ROBO1: variants seen among roughly 807,000 people sequenced by gnomAD.
ROBO1 encodes the protein roundabout guidance receptor 1.
ROBO1 carries 149 observed loss-of-function variants against 195.9 expected under a neutral mutation model. The observed-to-expected ratio is 0.76, with a 90% CI of 0.67 to 0.87. The LOEUF (loss-of-function observed/expected upper bound fraction) is 0.87. Among genes scored for constraint, ROBO1 ranks in the 40% least tolerant of loss-of-function variants. ROBO1 has a pLI of 0.00. For synonymous variants in ROBO1, 816 were observed against 733.2 expected, an observed-to-expected ratio of 1.11 and a Z score of -1.82; for missense variants, 1,933 against 2,068.3, an observed-to-expected ratio of 0.93 and a Z score of 1.27.
chr3:78,864,440 G>C (rs2035038335), intron 4 of ROBO1, among the ~76,000 whole-genome samples: 1 of 151,984 alleles, frequency 6.6e-6, no homozygotes, highest in Non-Finnish European at 1.5e-5. Flanking sequence ...TAATTTATAA[G>C]ATGGCATACA....
intron 1 of ROBO1, among the ~76,000 whole-genome samples, chr3:79,731,882 G>C (rs1055477272): frequency 3.9e-4 from 60 of 151,992 alleles, no homozygotes; most frequent in Non-Finnish European, 3.1e-4. Context: ...TTTTATCATA[G>C]GAAATTTCTA....
At chr3:79,570,330 C>T (rs1021459191) in intron 2 of ROBO1, among the ~76,000 whole-genome samples, 3 of 151,450 alleles carry the variant, frequency 2.0e-5, no homozygotes, top group Non-Finnish European at 4.4e-5. Context: ...ATTTTTACGT[C>T]CCTGCTTAGG....
At chr3:79,607,808 C>CA (rs1944536777) in intron 1 of ROBO1, among the ~76,000 whole-genome samples, 1 of 151,942 alleles carries the variant, frequency 6.6e-6, no homozygotes, top group Non-Finnish European at 1.5e-5. Flanking sequence ...AATGCATACT[C>CA]ACGTGCGTGG....
chr3:78,776,586 T>A (rs1017857537), intron 4 of ROBO1, among the ~76,000 whole-genome samples: 2 of 152,226 alleles, frequency 1.3e-5, no homozygotes, highest in Non-Finnish European at 2.9e-5. Flanking sequence ...GGAATTTGCC[T>A]TTAGTGGCCT....
chr3:79,273,279 T>C (rs969650112), intron 2 of ROBO1, among the ~76,000 whole-genome samples: 1 of 152,018 alleles, frequency 6.6e-6, no homozygotes, highest in Admixed American at 6.6e-5. Flanking sequence ...AGAATGAACA[T>C]ATCAAAAACA....
intron 4 of ROBO1, among the ~76,000 whole-genome samples, chr3:78,889,889 G>A (rs145418317): frequency 2.0e-5 from 3 of 151,874 alleles, no homozygotes; most frequent in African/African-American, 4.8e-5. Flanking sequence ...GACAATACTC[G>A]CCGTTGCTCT....
rs369623866 is a variant in ROBO1 at position 79,205,863 on chromosome 3, G to A, written c.89-80324C>T. ...TGAGAAAGTTAAAAAAAAGAAGTTG[G>A]GTCCTTGTGACAAGTTTCAGTCTAA... is the stretch of plus-strand genomic sequence containing the variant. On this transcript the variant is annotated intron_variant, in intron 2 of 30. Coordinates refer to ENST00000464233, the MANE Select transcript of ROBO1 (RefSeq NM_002941.4). Among the ~76,000 whole-genome samples the A allele has an allele frequency of 7.9e-5, 12 of 152,142 alleles. No individual in the cohort carries two copies. In the East Asian group the frequency reaches 1.4e-3, roughly 17 times the overall value.
At chr3:79,399,796 C>T (rs1352981045) in intron 2 of ROBO1, among the ~76,000 whole-genome samples, 1 of 152,108 alleles carries the variant, frequency 6.6e-6, no homozygotes, top group African/African-American at 2.4e-5. Context: ...CATATTTTCC[C>T]ACTTGTAGAC....
intron 2 of ROBO1, among the ~76,000 whole-genome samples, chr3:79,159,028 G>T (rs1276376749): frequency 2.6e-5 from 4 of 151,818 alleles, no homozygotes; most frequent in Admixed American, 6.6e-5. Flanking sequence ...GAATGTTTTT[G>T]GAAGAAATAA....
At chr3:79,183,132 T>C (rs991010689) in intron 2 of ROBO1, among the ~76,000 whole-genome samples, 20 of 151,546 alleles carry the variant, frequency 1.3e-4, no homozygotes, top group Admixed American at 1.2e-3. Context: ...TTACACACAA[T>C]TGCTTTTTGC....
intron 3 of ROBO1, among the ~76,000 whole-genome samples, chr3:79,123,424 A>G (rs2080158142): frequency 6.6e-6 from 1 of 152,022 alleles, no homozygotes; most frequent in East Asian, 1.9e-4. Flanking sequence ...GCCAATTGGT[A>G]TCTTTCTTTA....
intron 3 of ROBO1, among the ~76,000 whole-genome samples, chr3:79,051,058 C>T (rs2078687019): frequency 6.6e-6 from 1 of 151,996 alleles, no homozygotes; most frequent in African/African-American, 2.4e-5. Context: ...TTACTAAGAT[C>T]AGAGCAGAAC....
At chr3:78,791,888 C>A (rs567357603) in intron 4 of ROBO1, among the ~76,000 whole-genome samples, 2 of 152,330 alleles carry the variant, frequency 1.3e-5, no homozygotes, top group South Asian at 4.1e-4. Flanking sequence ...GCTGCTGTTG[C>A]ATCTGCTCCT....
At chr3:79,495,181 A>G (rs557690668) in intron 2 of ROBO1, among the ~76,000 whole-genome samples, 5 of 152,324 alleles carry the variant, frequency 3.3e-5, no homozygotes, top group African/African-American at 1.2e-4. Context: ...ATGTAATTTA[A>G]TAAATAATCA....
At chr3:79,638,518 G>A (rs905214794) in intron 1 of ROBO1, among the ~76,000 whole-genome samples, 24 of 152,088 alleles carry the variant, frequency 1.6e-4, no homozygotes, top group Non-Finnish European at 3.1e-4. Flanking sequence ...GACCTCAGGT[G>A]ATCCGCCAGC....
chr3:78,987,384 C>A (rs2077133806), intron 3 of ROBO1, among the ~76,000 whole-genome samples: 1 of 151,938 alleles, frequency 6.6e-6, no homozygotes, highest in Non-Finnish European at 1.5e-5. Flanking sequence ...GGCAGGGAGA[C>A]TCTTAAGCCT....
chr3:79,448,090 A>G (rs188853464), intron 2 of ROBO1, among the ~76,000 whole-genome samples: 21 of 152,338 alleles, frequency 1.4e-4, no homozygotes, highest in Non-Finnish European at 2.9e-5. Context: ...GCAACCTTAC[A>G]AATAATAGTA....
intron 4 of ROBO1, among the ~76,000 whole-genome samples, chr3:78,876,713 T>A (rs2035870006): frequency 6.6e-6 from 1 of 152,186 alleles, no homozygotes; most frequent in African/African-American, 2.4e-5. Context: ...ACGGGAAACA[T>A]GGTAAAGAAC....
At chr3:78,970,186 A>C (rs2076732580) in intron 3 of ROBO1, among the ~76,000 whole-genome samples, 1 of 152,198 alleles carries the variant, frequency 6.6e-6, no homozygotes, top group Admixed American at 6.5e-5. Context: ...GATTTTGAAT[A>C]TATTAAATAC....
Sources: gnomAD v4.1 joint callset for allele counts (sites outside exome capture counted in the v4.1 genomes callset) on GRCh38, gnomAD v4.1.1 for gene constraint, MANE v1.5 for transcripts, NCBI Gene and HGNC (gene_info 2026-07-23, HGNC 2026-07-21) for gene names.